Variants in DAB1 observed in about 807,000 individuals in gnomAD.
DAB1 encodes DAB adaptor protein 1.
A neutral mutation model predicts 64.6 loss-of-function variants in DAB1; 15 were observed. The observed-to-expected ratio is 0.23, with a 90% CI of 0.16 to 0.36. The LOEUF (loss-of-function observed/expected upper bound fraction) is 0.36. Ranked by LOEUF, DAB1 falls within the 10% of genes least tolerant of loss-of-function variation. The probability of loss-of-function intolerance (pLI) is 1.00; values close to 1 mark genes in which losing one functional copy is unlikely to be tolerated. For missense variants in DAB1, 596 were observed against 706.7 expected (o/e 0.84, Z 1.78); for synonymous variants, 235 against 251.9 (o/e 0.93, Z 0.64).
At chr1:57,082,357 C>T (rs1652632269) in intron 4 of DAB1, among the ~76,000 whole-genome samples, 1 of 152,192 alleles carries the variant, frequency 6.6e-6, no homozygotes, top group African/African-American at 2.4e-5. Context: ...ACTTCCACTT[C>T]AGTCAACCGT....
At chr1:57,932,468 A>ATTTT (rs61202343) in intron 5 of DAB1, among the ~76,000 whole-genome samples, 2 of 143,498 alleles carry the variant, frequency 1.4e-5, no homozygotes, top group Non-Finnish European at 1.5e-5. Flanking sequence ...AGCCCAGCTA[A>ATTTT]TTTTTTTTTT....
At position 57,662,665 on chromosome 1, in the gene DAB1, G is replaced by A. The variant is rs539253218; in HGVS notation, n.552-13000C>T. On this transcript the variant is annotated intron_variant and non_coding_transcript_variant, in intron 6 of 20. Coordinates refer to the DAB1 transcript ENST00000485760. ...ATAGCTTCTTAAGGAGGTGATGCTT[G>A]AGCTGAATCTCATCTAGGCTCTTAG... Among the ~76,000 whole-genome samples, 4 of 152,334 alleles carry A rather than the reference G, an allele frequency of 2.6e-5. No homozygotes were observed. In the East Asian group the frequency reaches 7.7e-4, roughly 29 times the overall value.
In DAB1 at chr1:57,435,046, CTTT is replaced by C. The variant is rs71580850; in HGVS notation, n.626-143883_626-143881del. ...GACTCTCTTTTTCTTTTCTTTTTTT[CTTT>C]TTTTTTTTTTTTTTTTTGAGAGAGA... On this transcript the variant is annotated intron_variant and non_coding_transcript_variant, in intron 7 of 20. Coordinates refer to the DAB1 transcript ENST00000485760. 3.0e-3 allele frequency among the ~76,000 whole-genome samples: 281 copies of C among 93,076 alleles called. 3 individuals carry two copies. The highest frequency in any genetic ancestry group is 0.011 in the African/African-American group (249 of 23,238). 61.1% of individuals were successfully genotyped at this position (93,076 alleles called of 152,430 possible). A position where few individuals can be genotyped will look rare whatever the true frequency, so the allele number is the denominator to read the frequency against.
intron 5 of DAB1, among the ~76,000 whole-genome samples, chr1:57,072,001 C>T (rs13376602): frequency 0.02 from 2,979 of 149,550 alleles, 101 homozygotes; most frequent in African/African-American, 0.069. Flanking sequence ...TATTTGTATA[C>T]GGTGCCTCCA....
At chr1:57,452,269 T>C (rs1020386648) in intron 7 of DAB1, among the ~76,000 whole-genome samples, 8 of 148,384 alleles carry the variant, frequency 5.4e-5, no homozygotes, top group Middle Eastern at 3.2e-3. Flanking sequence ...ATAAAATTAA[T>C]CTTCTCCTGT....
chr1:57,136,957 T>TCCCAAGATAGACACAAGATAGA (rs1658180208), intron 3 of DAB1, among the ~76,000 whole-genome samples: 1 of 152,216 alleles, frequency 6.6e-6, no homozygotes, highest in African/African-American at 2.4e-5. Flanking sequence ...AATATGGTTT[T>TCCCAAGATAGACACAAGATAGA]CATATTAATG....
chr1:57,614,369 T>A (rs1257795101), intron 7 of DAB1, among the ~76,000 whole-genome samples: 1 of 152,184 alleles, frequency 6.6e-6, no homozygotes, highest in Non-Finnish European at 1.5e-5. Flanking sequence ...AGATAAATGG[T>A]CATTATTATT....
intron 6 of DAB1, among the ~76,000 whole-genome samples, chr1:57,783,005 C>A (rs1650174569): frequency 7.5e-6 from 1 of 132,456 alleles, no homozygotes. Flanking sequence ...CTCCTTCCTT[C>A]CTTCCTTCCT....
intron 4 of DAB1, among the ~76,000 whole-genome samples, chr1:57,101,426 T>C (rs1570693349): frequency 6.6e-6 from 1 of 152,332 alleles, no homozygotes; most frequent in African/African-American, 2.4e-5. Context: ...TCTGCCTCAA[T>C]TCTCAGTTTT....
At chr1:58,387,558 G>A (rs1183019624) in intron 3 of DAB1, among the ~76,000 whole-genome samples, 1 of 152,136 alleles carries the variant, frequency 6.6e-6, no homozygotes, top group Non-Finnish European at 1.5e-5. Flanking sequence ...TTATTATGTA[G>A]ATAAAGTTCC....
intron 3 of DAB1, among the ~76,000 whole-genome samples, chr1:58,375,575 C>T (rs1351725782): frequency 2.0e-5 from 3 of 149,602 alleles, no homozygotes; most frequent in South Asian, 2.1e-4. Context: ...CTGCTGGATT[C>T]AGTTTGCCAG....
intron 7 of DAB1, among the ~76,000 whole-genome samples, chr1:57,439,660 C>T (rs1391146172): frequency 2.1e-5 from 3 of 144,138 alleles, no homozygotes; most frequent in Non-Finnish European, 4.5e-5. Flanking sequence ...ATCTTCTGAC[C>T]TCATGATCTG....
chr1:57,128,801 C>T (rs1416423616), intron 4 of DAB1, among the ~76,000 whole-genome samples: 6 of 152,156 alleles, frequency 3.9e-5, no homozygotes, highest in Non-Finnish European at 5.9e-5. Context: ...TGCAGTCTGA[C>T]TTCTCCCCTG....
chr1:57,201,237 A>G (rs1665073807), intron 2 of DAB1, among the ~76,000 whole-genome samples: 1 of 151,902 alleles, frequency 6.6e-6, no homozygotes, highest in Admixed American at 6.5e-5. Context: ...GCAAGCAAGC[A>G]TTCATTCATT....
At chr1:58,521,637 A>AT (rs1646266519) in intron 2 of DAB1, among the ~76,000 whole-genome samples, 1 of 152,116 alleles carries the variant, frequency 6.6e-6, no homozygotes, top group Non-Finnish European at 1.5e-5. Context: ...TAATAAGAGT[A>AT]TATTAAAACA....
chr1:57,308,922 AT>A (rs1674426966), intron 1 of DAB1, among the ~76,000 whole-genome samples: 1 of 152,278 alleles, frequency 6.6e-6, no homozygotes, highest in South Asian at 2.1e-4. Context: ...AAAAACTCGG[AT>A]ATCAGCTAGA....
At chr1:58,424,370 C>A (rs962451976) in intron 3 of DAB1, among the ~76,000 whole-genome samples, 1 of 152,124 alleles carries the variant, frequency 6.6e-6, no homozygotes, top group African/African-American at 2.4e-5. Context: ...ATAAACACAC[C>A]CATAAACACA....
intron 7 of DAB1, among the ~76,000 whole-genome samples, chr1:57,553,695 G>A (rs969714527): frequency 1.3e-5 from 2 of 152,072 alleles, no homozygotes; most frequent in African/African-American, 4.8e-5. Context: ...TAAAAAAAAA[G>A]GGCCAATGTT....
chr1:58,293,080 T>C (rs1400461267), intron 4 of DAB1, among the ~76,000 whole-genome samples: 2 of 152,202 alleles, frequency 1.3e-5, no homozygotes, highest in Non-Finnish European at 2.9e-5. Context: ...GGCTTGAGTC[T>C]GTTGCCACCT....
Sources: allele counts gnomAD v4.1 joint callset (sites outside exome capture counted in the v4.1 genomes callset), GRCh38; gene constraint gnomAD v4.1.1; transcripts MANE v1.5; gene names NCBI Gene and HGNC (gene_info 2026-07-23, HGNC 2026-07-21).